Variants in CFAP61 observed in about 807,000 individuals in gnomAD.
The protein encoded by CFAP61 is cilia- and flagella-associated protein 61.
In CFAP61, 107 loss-of-function variants were observed where a neutral mutation model predicts 135.6. The ratio of observed to expected loss-of-function variants is 0.79; its 90% CI spans 0.67 to 0.93. The LOEUF (loss-of-function observed/expected upper bound fraction) is 0.93. CFAP61 is among the 40% of genes least tolerant of loss of function. CFAP61 has a pLI of 0.00. For synonymous variants in CFAP61, 575 were observed against 578.5 expected, an observed-to-expected ratio of 0.99 and a Z score of 0.09; for missense variants, 1,507 against 1,556.2, an observed-to-expected ratio of 0.97 and a Z score of 0.53.
intron 2 of CFAP61, among the ~76,000 whole-genome samples, chr20:20,065,616 G>GAAAAA (rs11445024): frequency 5.9e-5 from 8 of 136,278 alleles, no homozygotes; most frequent in East Asian, 2.2e-4. Flanking sequence ...TAGACATTTT[G>GAAAAA]AAAAAAAAAA....
chr20:20,297,173 C>T (rs977777671), intron 24 of CFAP61, among the ~76,000 whole-genome samples: 3 of 152,166 alleles, frequency 2.0e-5, no homozygotes, highest in Admixed American at 6.5e-5. Flanking sequence ...CAACACCCAC[C>T]AGTTGCCTGT....
At chr20:20,118,034 C>G (rs2049283180) in intron 8 of CFAP61, among the ~76,000 whole-genome samples, 1 of 152,072 alleles carries the variant, frequency 6.6e-6, no homozygotes. Flanking sequence ...TGTCTGTGAA[C>G]AAAACAAATT....
chr20:20,138,972 G>A lies in CFAP61; in HGVS notation c.860-3885G>A, dbSNP rs151278936. On this transcript the variant is annotated intron_variant, in intron 8 of 26. Transcript: ENST00000245957. ...TTATAATGTCTTAATATTCAGTTGG[G>A]AATTTGGCTCTCTTTTTGTTCATCT... 2.3e-4 allele frequency among the ~76,000 whole-genome samples: 35 copies of A among 152,094 alleles called. No homozygotes were observed. The East Asian group carries it at 6.8e-3, about 29-fold the overall frequency.
chr20:20,232,240 A>G (rs1196728986), intron 18 of CFAP61, among the ~76,000 whole-genome samples: 1 of 152,200 alleles, frequency 6.6e-6, no homozygotes, highest in African/African-American at 2.4e-5. Flanking sequence ...TGAGATCTGT[A>G]AAGTGAACTC....
At chr20:20,079,258 T>C (rs544882727) in intron 6 of CFAP61, among the ~76,000 whole-genome samples, 1 of 152,286 alleles carries the variant, frequency 6.6e-6, no homozygotes, top group African/African-American at 2.4e-5. Flanking sequence ...GCTCATCCCT[T>C]TGACTCCTCT....
At chr20:20,136,086 G>A (rs1424376443) in intron 8 of CFAP61, among the ~76,000 whole-genome samples, 2 of 152,096 alleles carry the variant, frequency 1.3e-5, no homozygotes, top group African/African-American at 4.8e-5. Context: ...GGTATCCACT[G>A]AAAAGTCTGC....
intron 18 of CFAP61, among the ~76,000 whole-genome samples, chr20:20,234,485 T>G (rs1317177720): frequency 6.6e-6 from 1 of 152,130 alleles, no homozygotes; most frequent in Non-Finnish European, 1.5e-5. Flanking sequence ...GGAGAGGATT[T>G]TGTGGGTTTC....
intron 9 of CFAP61, among the ~76,000 whole-genome samples, chr20:20,155,010 C>T (rs1218239205): frequency 6.6e-6 from 1 of 152,110 alleles, no homozygotes; most frequent in African/African-American, 2.4e-5. Flanking sequence ...CATCACATTA[C>T]GTGACTTCAA....
chr20:20,076,663 A>G (rs2046071238), intron 6 of CFAP61, among the ~76,000 whole-genome samples: 1 of 152,256 alleles, frequency 6.6e-6, no homozygotes, highest in Non-Finnish European at 1.5e-5. Context: ...GGGATCAGCC[A>G]TTGCTGTGTT....
intron 21 of CFAP61, among the ~76,000 whole-genome samples, chr20:20,274,737 A>G (rs1302322563): frequency 6.6e-6 from 1 of 152,124 alleles, no homozygotes; most frequent in Non-Finnish European, 1.5e-5. Context: ...CATATTAATA[A>G]CTAGTTTTTA....
chr20:20,294,706 A>C (rs2055270176), intron 24 of CFAP61, among the ~76,000 whole-genome samples: 1 of 151,990 alleles, frequency 6.6e-6, no homozygotes, highest in Non-Finnish European at 1.5e-5. Flanking sequence ...AGGCGGGTGG[A>C]TCATGAGGTC....
intron 8 of CFAP61, among the ~76,000 whole-genome samples, chr20:20,132,634 C>G (rs2050627013): frequency 6.6e-6 from 1 of 151,944 alleles, no homozygotes; most frequent in Admixed American, 6.6e-5. Flanking sequence ...TTTATTGACT[C>G]CTACTCATAG....
intron 7 of CFAP61, chr20:20,094,284 C>G (rs1354624404): frequency 6.6e-6 from 1 of 152,146 alleles, no homozygotes; most frequent in Non-Finnish European, 1.5e-5. Context: ...ACCAGGCTAG[C>G]CATAGAAGGG....
chr20:20,281,783 C>T (rs907647835), intron 22 of CFAP61, among the ~76,000 whole-genome samples: 5 of 152,126 alleles, frequency 3.3e-5, no homozygotes, highest in African/African-American at 9.7e-5. Flanking sequence ...TAAAAAAATT[C>T]GGGCAATGTT....
chr20:20,337,290 A>G (rs1362815092), intron 25 of CFAP61, among the ~76,000 whole-genome samples: 1 of 16,586 alleles, frequency 6.0e-5, no homozygotes, highest in Non-Finnish European at 2.5e-4. Flanking sequence ...GGATGGATGG[A>G]TAGATGGATG....
intron 18 of CFAP61, among the ~76,000 whole-genome samples, chr20:20,229,643 T>A (rs2048989485): frequency 6.6e-6 from 1 of 152,204 alleles, no homozygotes; most frequent in Admixed American, 6.5e-5. Context: ...GGAGACGAGC[T>A]AATCCCAAGT....
chr20:20,116,132 T>A (rs1182106447), intron 8 of CFAP61, among the ~76,000 whole-genome samples: 1 of 152,190 alleles, frequency 6.6e-6, no homozygotes, highest in Non-Finnish European at 1.5e-5. Flanking sequence ...AAGCACCATT[T>A]TAACTGGGAT....
chr20:20,105,186 A>T (rs1282099183), intron 8 of CFAP61, among the ~76,000 whole-genome samples: 3 of 152,020 alleles, frequency 2.0e-5, no homozygotes, highest in African/African-American at 7.2e-5. Flanking sequence ...AGCCGCACCC[A>T]CCCAACCTTC....
intron 17 of CFAP61, among the ~76,000 whole-genome samples, chr20:20,206,887 G>T (rs1008966581): frequency 6.6e-6 from 1 of 152,022 alleles, no homozygotes; most frequent in African/African-American, 2.4e-5. Context: ...GCATTATTTT[G>T]CATTCTTTCA....
Sources: allele counts gnomAD v4.1 joint callset (sites outside exome capture counted in the v4.1 genomes callset), GRCh38; gene constraint gnomAD v4.1.1; transcripts MANE v1.5; gene names NCBI Gene and HGNC (gene_info 2026-07-23, HGNC 2026-07-21).